NCOR2: variants seen among roughly 807,000 people sequenced by gnomAD.
NCOR2 encodes the protein nuclear receptor corepressor 2.
Under a neutral mutation model 262.9 loss-of-function variants are expected in NCOR2, and 81 were observed. The ratio of observed to expected loss-of-function variants is 0.31; its 90% CI spans 0.26 to 0.37. NCOR2 has a LOEUF of 0.37. NCOR2 is among the 10% of genes least tolerant of loss of function. The probability of loss-of-function intolerance (pLI) is 1.00; values close to 1 mark genes in which losing one functional copy is unlikely to be tolerated. For missense variants in NCOR2, 3,385 were observed against 3,621.4 expected (o/e 0.93, Z 1.68); for synonymous variants, 1,659 against 1,559.3 (o/e 1.06, Z -1.51).
intron 1 of NCOR2, among the ~76,000 whole-genome samples, chr12:124,515,442 A>G (rs891478106): frequency 6.6e-6 from 1 of 152,158 alleles, no homozygotes; most frequent in African/African-American, 2.4e-5. Flanking sequence ...CTCCCCCAAG[A>G]ATAACATCCT....
intron 7 of NCOR2, among the ~76,000 whole-genome samples, chr12:124,438,741 AAC>A (rs2044542967): frequency 7.0e-6 from 1 of 142,368 alleles, no homozygotes; most frequent in Non-Finnish European, 1.6e-5. Flanking sequence ...GGAAACAGAG[AAC>A]CAGAGAGAGA....
Position 124,350,752 on chromosome 12 carries a change from G to T in NCOR2, c.3694-15C>A, listed in dbSNP as rs2037377816. On this transcript the variant is annotated splice_polypyrimidine_tract_variant and intron_variant, in intron 27 of 46. Coordinates refer to ENST00000405201, the Ensembl canonical transcript of NCOR2. ...GCTGGCGTGCCCTGCAGGTGCAGAGGGGTGAGCGCCCAGGAGGCTGCAGCC... is the reference window on the plus strand; with the variant it reads ...GCTGGCGTGCCCTGCAGGTGCAGAGTGGTGAGCGCCCAGGAGGCTGCAGCC... The T allele has an allele frequency of 1.2e-6, 2 of 1,606,214 alleles. No individual in the cohort carries two copies. The highest frequency in any genetic ancestry group is 2.7e-5 in the African/African-American group (2 of 75,024).
At chr12:124,426,474 C>A in intron 11 of NCOR2, 148 bp downstream of exon 13, 1 of 737,126 alleles carries the variant, frequency 1.4e-6, no homozygotes, top group Non-Finnish European at 2.0e-6. Flanking sequence ...TTTGGACTTC[C>A]GGCCTCCACA....
intron 10 of NCOR2, 90 bp from the exon 13 acceptor site, chr12:124,426,890 A>G: frequency 7.7e-7 from 1 of 1,301,074 alleles, no homozygotes; most frequent in Non-Finnish European, 1.0e-6. Flanking sequence ...GAGGGGACGG[A>G]TGGTCTGCGC....
At chr12:124,337,448 C>A (rs1323052275) in intron 37 of NCOR2, 3 of 655,782 alleles carry the variant, frequency 4.6e-6, no homozygotes, top group Non-Finnish European at 8.4e-6. Context: ...GTGAATACAG[C>A]GGTCATAAAA....
At chr12:124,333,878 G>A (rs1337545089) in intron 41 of NCOR2, among the ~76,000 whole-genome samples, 4 of 113,590 alleles carry the variant, frequency 3.5e-5, no homozygotes, top group South Asian at 6.2e-4. Flanking sequence ...GCATGTGTGC[G>A]GGTGTGCATG....
chr12:124,485,394 T>C (rs1429974592), intron 2 of NCOR2, among the ~76,000 whole-genome samples: 3 of 152,162 alleles, frequency 2.0e-5, no homozygotes, highest in South Asian at 4.2e-4. Flanking sequence ...GAGGCAGAGA[T>C]TGGACCGATG....
At chr12:124,431,638 CACAT>C (rs765253363) in intron 8 of NCOR2, among the ~76,000 whole-genome samples, 8 of 150,820 alleles carry the variant, frequency 5.3e-5, no homozygotes, top group East Asian at 2.0e-4. Flanking sequence ...TACACAGGCA[CACAT>C]ACATACAGGC....
rs2043999315 is a variant in NCOR2, at chr12:124,432,225, G to C, written c.883-1438C>G. On this transcript the variant is annotated intron_variant, in intron 8 of 46. Coordinates refer to ENST00000405201, the Ensembl canonical transcript of NCOR2. The surrounding 1 kb of genome is among the most constrained non-coding windows in gnomAD (Gnocchi z 5.1). ...GAGTCACACATGTAGACACACAACA[G>C]ACACACACACATCACACAGGCAGAC... Among the ~76,000 whole-genome samples, 6 of 151,988 alleles carry C rather than the reference G, an allele frequency of 3.9e-5. No homozygotes were observed. In the South Asian group the frequency reaches 1.2e-3, roughly 32 times the overall value.
At chr12:124,417,870 G>A (rs966197652) in intron 13 of NCOR2, among the ~76,000 whole-genome samples, 1 of 152,038 alleles carries the variant, frequency 6.6e-6, no homozygotes, top group Non-Finnish European at 1.5e-5. Flanking sequence ...GACCAGCCTG[G>A]GCAACATAGT....
chr12:124,529,304 TA>T (rs1175749746), intron 1 of NCOR2, among the ~76,000 whole-genome samples: 1,848 of 129,902 alleles, frequency 0.014, 34 homozygotes, highest in African/African-American at 0.043. Flanking sequence ...CCGTCTCTAC[TA>T]AAAAAAAAAA....
At chr12:124,340,470 AG>A in intron 35 of NCOR2, 27 bp from the exon 38 acceptor site, 1 of 1,606,714 alleles carries the variant, frequency 6.2e-7, no homozygotes, top group South Asian at 1.1e-5. Context: ...CCAGAGACTC[AG>A]CCCCAGGGCC....
At chr12:124,386,591 C>T (rs968412387) in intron 16 of NCOR2, among the ~76,000 whole-genome samples, 1 of 152,228 alleles carries the variant, frequency 6.6e-6, no homozygotes, top group Admixed American at 6.5e-5. Context: ...GAGGTTCTCT[C>T]AGCCTCACAG....
At chr12:124,370,296 G>A (rs908925334) in intron 20 of NCOR2, among the ~76,000 whole-genome samples, 67 of 152,254 alleles carry the variant, frequency 4.4e-4, no homozygotes, top group African/African-American at 1.2e-3. Context: ...ACGCATGGGC[G>A]CGGTTCCTGT....
intron 41 of NCOR2, among the ~76,000 whole-genome samples, chr12:124,333,483 A>T (rs995795112): frequency 2.6e-5 from 4 of 152,094 alleles, no homozygotes; most frequent in Non-Finnish European, 1.5e-5. Flanking sequence ...TTAAAAATGT[A>T]AAATCATTTT....
exon 38 of NCOR2, chr12:124,336,826 C>G: frequency 6.2e-7 from 1 of 1,613,020 alleles, no homozygotes. Context: ...GGTCCGAGGC[C>G]GAGGCAGGTG....
intron 1 of NCOR2, among the ~76,000 whole-genome samples, chr12:124,534,023 G>A (rs2050990081): frequency 6.6e-6 from 1 of 151,854 alleles, no homozygotes; most frequent in African/African-American, 2.4e-5. Flanking sequence ...GTGGCCCAGG[G>A]AAGCCAAAAG....
chr12:124,483,727 C>T lies in NCOR2; in HGVS notation c.280G>A (p.Glu94Lys), dbSNP rs758428234. 41 of 1,611,156 alleles carry T rather than the reference C, an allele frequency of 2.5e-5. No homozygotes were observed. The South Asian group carries it at 3.0e-4, about 12-fold the overall frequency. Reference sequence around the variant, plus strand: ...AACTCCATCTCTGACTTCCCCAGCTCGGGCAGGTATGAGTGGGACTCTGGC... The same window carrying T: ...AACTCCATCTCTGACTTCCCCAGCTTGGGCAGGTATGAGTGGGACTCTGGC... The change falls in exon 3 of 47, where the codon GAG (glutamate) becomes AAG (lysine). Residue 94 changes from glutamate (E) to lysine (K), a missense_variant. Physicochemically the swap from Glu to Lys is moderately conservative, Grantham distance 56. Transcript: ENST00000405201. The surrounding 1 kb of genome is among the most constrained non-coding windows in gnomAD (Gnocchi z 6.3).
In NCOR2 at chr12:124,481,898, T is replaced by C. The variant is rs2047511884; in HGVS notation, c.411+1698A>G. 6.6e-6 allele frequency among the ~76,000 whole-genome samples: 1 copy of C among 152,066 alleles called. No individual in the cohort carries two copies. The highest frequency in any genetic ancestry group is 2.4e-5 in the African/African-American group (1 of 41,398). ...GGAGCAGGGAGACCCAGGAGGAGGC[T>C]ACTGCAAAGTTACTGGAGAGCAATG... On this transcript the variant is annotated intron_variant, in intron 3 of 46. Coordinates refer to ENST00000405201, the Ensembl canonical transcript of NCOR2. This position sits in a 1 kb window ranked among gnomAD's most constrained non-coding sequence, Gnocchi z 4.6.
Sources: allele counts gnomAD v4.1 joint callset (sites outside exome capture counted in the v4.1 genomes callset), GRCh38; gene constraint gnomAD v4.1.1; non-coding constraint Gnocchi (gnomAD v3.1); transcripts MANE v1.5; gene names NCBI Gene and HGNC (gene_info 2026-07-23, HGNC 2026-07-21).